The following ZFAND3 variants were observed in gnomAD, a reference collection of about 807,000 sequenced individuals.
ZFAND3 encodes the protein AN1-type zinc finger protein 3.
In ZFAND3, 10 loss-of-function variants were observed where a neutral mutation model predicts 29.6. The observed-to-expected ratio is 0.34, with a 90% CI of 0.21 to 0.57. The LOEUF (loss-of-function observed/expected upper bound fraction) is 0.57. ZFAND3 is among the 20% of genes least tolerant of loss of function. The pLI, the probability that ZFAND3 is intolerant of heterozygous loss-of-function variation, is 0.86. For synonymous variants in ZFAND3, 128 were observed against 112.6 expected, an observed-to-expected ratio of 1.14 and a Z score of -0.87; for missense variants, 230 against 304.5, an observed-to-expected ratio of 0.76 and a Z score of 1.82.
chr6:38,052,760 G>A (rs985259502), intron 2 of ZFAND3, among the ~76,000 whole-genome samples: 1 of 152,060 alleles, frequency 6.6e-6, no homozygotes, highest in African/African-American at 2.4e-5. Context: ...TGACCGCCGG[G>A]CGTGGTGGCT....
At chr6:38,002,515 C>CA (rs1401309125) in intron 2 of ZFAND3, among the ~76,000 whole-genome samples, 3 of 151,722 alleles carry the variant, frequency 2.0e-5, no homozygotes, top group South Asian at 4.2e-4. Context: ...CCCGTCTCTA[C>CA]AAAAAATCCA....
chr6:38,138,376 A>G (rs1188725304), intron 5 of ZFAND3, among the ~76,000 whole-genome samples: 1 of 152,190 alleles, frequency 6.6e-6, no homozygotes, highest in Non-Finnish European at 1.5e-5. Flanking sequence ...AAATAGGCAA[A>G]GTAAGAATGA....
rs116255054 is a variant in ZFAND3, at chr6:37,935,483, C to T, written c.112+5484C>T. On this transcript the variant is annotated intron_variant, in intron 2 of 5. Transcript: ENST00000287218. ...TAACATTTATTGGTTGAAATACTAC[C>T]TCTTAATGCAGTTTTTCAAACTGGG... is the stretch of plus-strand genomic sequence containing the variant. 3.1e-3 allele frequency among the ~76,000 whole-genome samples: 470 copies of T among 152,068 alleles called. 3 individuals carry two copies. The highest frequency in any genetic ancestry group is 0.011 in the African/African-American group (447 of 41,476).
intron 1 of ZFAND3, among the ~76,000 whole-genome samples, chr6:37,914,831 G>C (rs901163772): frequency 1.8e-4 from 27 of 151,780 alleles, no homozygotes; most frequent in African/African-American, 3.9e-4. Context: ...AAGGGCCCTA[G>C]GATTTTTGGA....
At chr6:37,951,051 G>T (rs1306332141) in intron 2 of ZFAND3, among the ~76,000 whole-genome samples, 1 of 152,106 alleles carries the variant, frequency 6.6e-6, no homozygotes, top group Non-Finnish European at 1.5e-5. Flanking sequence ...TTTCAGCAGT[G>T]TTTTATAATT....
At chr6:37,851,611 G>A (rs1025143899) in intron 1 of ZFAND3, among the ~76,000 whole-genome samples, 2 of 152,148 alleles carry the variant, frequency 1.3e-5, no homozygotes, top group South Asian at 2.1e-4. Context: ...TTGTTGCACA[G>A]TTATGAATGG....
intron 2 of ZFAND3, among the ~76,000 whole-genome samples, chr6:38,046,092 A>G (rs1212510428): frequency 6.6e-6 from 1 of 152,252 alleles, no homozygotes; most frequent in African/African-American, 2.4e-5. Flanking sequence ...TGACTGAACT[A>G]TATCTCATTT....
intron 2 of ZFAND3, among the ~76,000 whole-genome samples, chr6:37,937,432 G>A (rs1323608226): frequency 6.6e-6 from 1 of 151,934 alleles, no homozygotes; most frequent in African/African-American, 2.4e-5. Context: ...TGAGGTGGGC[G>A]GATCATGAGG....
chr6:37,879,338 TG>T (rs1343080213), intron 1 of ZFAND3, among the ~76,000 whole-genome samples: 7 of 150,088 alleles, frequency 4.7e-5, no homozygotes, highest in South Asian at 4.2e-4. Flanking sequence ...TTTTTTGTTT[TG>T]TTTTTTTTTT....
intron 1 of ZFAND3, among the ~76,000 whole-genome samples, chr6:37,876,427 A>C (rs2127390127): frequency 6.6e-6 from 1 of 152,332 alleles, no homozygotes; most frequent in South Asian, 2.1e-4. Flanking sequence ...ATTACGGCAA[A>C]GCAGGTAAGT....
At chr6:37,992,719 T>A (rs1762780480) in intron 2 of ZFAND3, among the ~76,000 whole-genome samples, 1 of 152,186 alleles carries the variant, frequency 6.6e-6, no homozygotes. Context: ...CCTCAAATGT[T>A]TTTTATTGTA....
intron 2 of ZFAND3, among the ~76,000 whole-genome samples, chr6:37,957,676 G>A (rs1448785400): frequency 6.6e-6 from 1 of 152,110 alleles, no homozygotes; most frequent in African/African-American, 2.4e-5. Flanking sequence ...TGAAAATAGA[G>A]TTGCCAGCTA....
intron 2 of ZFAND3, among the ~76,000 whole-genome samples, chr6:37,970,705 G>C (rs2842520): frequency 0.92 from 139,635 of 152,180 alleles, 64,944 homozygotes; most frequent in East Asian, 1. Flanking sequence ...AGATCGAGAC[G>C]GTCCTGGCTA....
chr6:37,918,026 G>C (rs1255904580), intron 1 of ZFAND3, among the ~76,000 whole-genome samples: 2 of 152,098 alleles, frequency 1.3e-5, no homozygotes, highest in African/African-American at 4.8e-5. Context: ...TATCTTACCT[G>C]AATGACATGA....
Position 38,061,721 on chromosome 6 carries a change from A to C in ZFAND3, c.241A>C (p.Ser81Arg). The C allele has an allele frequency of 2.5e-6, 4 of 1,614,192 alleles. No homozygotes were observed. The highest frequency in any genetic ancestry group is 3.4e-6 in the Non-Finnish European group (4 of 1,180,016). ...TSITTPTLSP[S>R]QQPLPTELNV... ...GATAACCACGCCAACTCTTAGTCCC[A>C]GCCAGCAGCCGCTTCCGACAGAACT... Residue 81 changes from serine to arginine, a missense_variant, in exon 3 of 6, where the codon AGC (serine) becomes CGC (arginine). By Grantham distance (110) the Ser-to-Arg change is moderately radical (BLOSUM62 -1). Transcript: ENST00000287218.
chr6:38,117,732 A>G (rs1765449156), intron 5 of ZFAND3, among the ~76,000 whole-genome samples: 1 of 152,194 alleles, frequency 6.6e-6, no homozygotes, highest in Admixed American at 6.5e-5. Flanking sequence ...ATATCCTACA[A>G]GTACTATTGC....
chr6:38,041,687 C>CTTCTTCTTCTT lies in ZFAND3; in HGVS notation c.113-19906_113-19905insTTCTTCTTCTT, dbSNP rs1561976808. Reference sequence around the variant, plus strand: ...TTCTTCTTCTTCTTCTTCTTCTTCTCCTTCTCCTTCTCCTCCTCCTCCTCC... The same window carrying CTTCTTCTTCTT: ...TTCTTCTTCTTCTTCTTCTTCTTCTCTTCTTCTTCTTCTTCTCCTTCTCCTCCTCCTCCTCC... On this transcript the variant is annotated intron_variant, in intron 2 of 5. Transcript: ENST00000287218. Among the ~76,000 whole-genome samples the CTTCTTCTTCTT allele has an allele frequency of 6.4e-4, 11 of 17,230 alleles. 2 individuals carry two copies. The highest frequency in any genetic ancestry group is 7.0e-4 in the Admixed American group (1 of 1,436). 11.3% of individuals were successfully genotyped at this position (17,230 alleles called of 152,430 possible).
intron 2 of ZFAND3, among the ~76,000 whole-genome samples, chr6:38,014,684 C>A (rs1184976217): frequency 6.6e-6 from 1 of 152,144 alleles, no homozygotes; most frequent in Non-Finnish European, 1.5e-5. Flanking sequence ...TATCTGGCTT[C>A]AATCATCTCT....
At chr6:38,056,970 A>G (rs1205858671) in intron 2 of ZFAND3, among the ~76,000 whole-genome samples, 2 of 152,222 alleles carry the variant, frequency 1.3e-5, no homozygotes, top group African/African-American at 4.8e-5. Flanking sequence ...TTATTCACAT[A>G]AACCTCTCTC....
Sources: gnomAD v4.1 joint callset for allele counts (sites outside exome capture counted in the v4.1 genomes callset) on GRCh38, gnomAD v4.1.1 for gene constraint, MANE v1.5 for transcripts, NCBI Gene and HGNC (gene_info 2026-07-23, HGNC 2026-07-21) for gene names.